Variants in TNRC6B observed in about 807,000 individuals in gnomAD.
TNRC6B encodes the protein trinucleotide repeat-containing gene 6B protein.
TNRC6B carries 52 observed loss-of-function variants against 203.6 expected under a neutral mutation model. The ratio of observed to expected loss-of-function variants is 0.26; its 90% confidence interval spans 0.20 to 0.32. TNRC6B has a LOEUF of 0.32. Among genes scored for constraint, TNRC6B ranks in the 10% least tolerant of loss-of-function variants. The probability of loss-of-function intolerance (pLI) is 1.00; values close to 1 mark genes in which losing one functional copy is unlikely to be tolerated. For synonymous variants in TNRC6B, 838 were observed against 845.7 expected (o/e 0.99, Z 0.16); for missense variants, 1,923 against 2,286.2 (o/e 0.84, Z 3.24).
chr22:40,285,345 A>C (rs992486458), intron 11 of TNRC6B, among the ~76,000 whole-genome samples: 1 of 152,260 alleles, frequency 6.6e-6, no homozygotes, highest in Admixed American at 6.5e-5. Flanking sequence ...GAGTACTTGA[A>C]ATAAATGTTA....
intron 3 of TNRC6B, among the ~76,000 whole-genome samples, chr22:40,149,798 A>AG (rs2068731989): frequency 6.6e-6 from 1 of 150,728 alleles, no homozygotes; most frequent in Non-Finnish European, 1.5e-5. Flanking sequence ...AAAACTAAAA[A>AG]TTGTACTTTT....
chr22:40,233,685 A>G (rs147344099), intron 1 of TNRC6B, among the ~76,000 whole-genome samples: 40 of 152,328 alleles, frequency 2.6e-4, no homozygotes, highest in African/African-American at 9.6e-4. Flanking sequence ...AATTCCTTGC[A>G]TATGCCTTAA....
chr22:40,283,661 C>T (rs1018824200), intron 11 of TNRC6B, among the ~76,000 whole-genome samples: 1 of 152,084 alleles, frequency 6.6e-6, no homozygotes, highest in African/African-American at 2.4e-5. Context: ...TATTATTGTC[C>T]ATTCCAGATA....
At position 40,178,214 on chromosome 22, in the gene TNRC6B, G is replaced by A. The variant is rs888920983; in HGVS notation, c.5+74G>A. On this transcript the variant is annotated intron_variant, in intron 1 of 22. Transcript: ENST00000454349. ...TTGTCTAACCGTTTTCACTGGTGGT[G>A]TTGCAAATCGACATTTGTCTAGCAT... 24 of 1,549,344 alleles carry A rather than the reference G, an allele frequency of 1.5e-5. 1 individual carries two copies. The highest frequency in any genetic ancestry group is 2.0e-5 in the Non-Finnish European group (22 of 1,125,552).
At position 40,089,686 on chromosome 22, in the gene TNRC6B, T is replaced by G. The variant is rs111301547; in HGVS notation, c.-120-27369T>G. Among the ~76,000 whole-genome samples the G allele has an allele frequency of 3.5e-3, 538 of 152,324 alleles. 3 individuals are homozygous for G. Among genetic ancestry groups the G allele is most frequent in the Middle Eastern group, 0.017 (5 of 294 alleles). ...GGTCTATTTGTTATAAATGATGAAC[T>G]TATGTTGGTACACCATTATTACTCA... On this transcript the variant is annotated intron_variant, in intron 1 of 23. Coordinates refer to the TNRC6B transcript ENST00000301923.
At chr22:40,173,962 C>T (rs1279111806), upstream of TNRC6B, among the ~76,000 whole-genome samples, 1 of 150,690 alleles carries the variant, frequency 6.6e-6, no homozygotes, top group African/African-American at 2.4e-5. Flanking sequence ...TACCACCATG[C>T]CCAGCTAAAT....
intron 1 of TNRC6B, among the ~76,000 whole-genome samples, chr22:40,056,723 AGGAGTT>A (rs1294201185): frequency 6.6e-6 from 1 of 150,810 alleles, no homozygotes; most frequent in African/African-American, 2.5e-5. Flanking sequence ...GCATGAGCCC[AGGAGTT>A]GGAGGCTGCG....
chr22:40,203,457 T>C (rs1417576075), intron 1 of TNRC6B, among the ~76,000 whole-genome samples: 3 of 152,066 alleles, frequency 2.0e-5, no homozygotes, highest in African/African-American at 7.2e-5. Context: ...AATGCAAAAA[T>C]GTACAAATTT....
chr22:40,265,805 G>C lies in TNRC6B; in HGVS notation c.1575G>C (p.Trp525Cys). 1 of 1,613,978 alleles carries C rather than the reference G, an allele frequency of 6.2e-7. No homozygotes were observed. Among genetic ancestry groups the C allele is most frequent in the East Asian group, 2.2e-5 (1 of 44,880 alleles). The change falls in exon 5 of 23, where the codon TGG (tryptophan) becomes TGC (cysteine). Residue 525 changes from tryptophan to cysteine, a missense_variant. Physicochemically the swap from Trp to Cys is radical, Grantham distance 215. Around this residue, in one of 8 missense-constraint regions of TNRC6B, gnomAD observed 614 missense variants for 587.7 expected, o/e 1.04. Coordinates refer to ENST00000454349, the MANE Select transcript of TNRC6B (RefSeq NM_001162501.2). Reference sequence around the variant, plus strand: ...CTGATGAGTTGAAAATTGGAGAATGGAGTGGTCCAAACCAACCAAATTCTA... The same window carrying C: ...CTGATGAGTTGAAAATTGGAGAATGCAGTGGTCCAAACCAACCAAATTCTA... ...TGSDELKIGEWSGPNQPNSST... is the reference protein window; with the variant it reads ...TGSDELKIGECSGPNQPNSST...
At chr22:40,132,227 A>C (rs1568992577) in intron 3 of TNRC6B, among the ~76,000 whole-genome samples, 1 of 152,140 alleles carries the variant, frequency 6.6e-6, no homozygotes, top group South Asian at 2.1e-4. Context: ...GTGCACCTGT[A>C]ATCCCAGCTG....
rs1452445002 is a variant in TNRC6B, at chr22:40,246,112, A to G, written c.93+10A>G. 5 of 1,542,510 alleles carry G rather than the reference A, an allele frequency of 3.2e-6. No individual in the cohort carries two copies. The highest frequency in any genetic ancestry group is 3.5e-6 in the Non-Finnish European group (4 of 1,142,608). ...AGAAGCCACTCAGAAGGTAGGTTTAATCAGTTAAGTCTGTCTTTTTATCTG... is the reference window on the plus strand; with the variant it reads ...AGAAGCCACTCAGAAGGTAGGTTTAGTCAGTTAAGTCTGTCTTTTTATCTG... On this transcript the variant is annotated intron_variant, in intron 2 of 22. Coordinates refer to ENST00000454349, the MANE Select transcript of TNRC6B (RefSeq NM_001162501.2).
Position 40,264,947 on chromosome 22 carries a change from A to C in TNRC6B, c.717A>C (p.Lys239Asn). ...TGCCAGGAAGCACCACTAGTAACAA[A>C]GGAAAAGGGAGCCAGTGCCAGTCTG... ...STLPGSTTSN[K>N]GKGSQCQSAS... The change falls in exon 5 of 23, where the codon AAA becomes AAC. Residue 239 changes from lysine to asparagine, a missense_variant. Transcript: ENST00000454349. 6.2e-7 allele frequency: 1 copy of C among 1,613,964 alleles called. No homozygotes were observed. Among genetic ancestry groups the C allele is most frequent in the Non-Finnish European group, 8.5e-7 (1 of 1,179,874 alleles).
At chr22:40,171,971 G>T (rs188792955) in intron 4 of TNRC6B, among the ~76,000 whole-genome samples, 55 of 151,900 alleles carry the variant, frequency 3.6e-4, no homozygotes, top group Admixed American at 2.2e-3. Flanking sequence ...GGTGATTCTC[G>T]CACCTCAGCC....
intron 14 of TNRC6B, 58 bp from the exon 15 acceptor site, chr22:40,301,092 C>G (rs1234491740): frequency 6.4e-7 from 1 of 1,559,154 alleles, no homozygotes; most frequent in Non-Finnish European, 8.7e-7. Flanking sequence ...CGGGCACAGT[C>G]TTTTCCTGGG....
chr22:40,234,695 T>C (rs2069924440), intron 1 of TNRC6B, among the ~76,000 whole-genome samples: 1 of 152,234 alleles, frequency 6.6e-6, no homozygotes, highest in South Asian at 2.1e-4. Context: ...AATTTCTTTA[T>C]CCCTTAAAAT....
intron 1 of TNRC6B, among the ~76,000 whole-genome samples, chr22:40,091,755 C>T (rs999242957): frequency 4.6e-5 from 7 of 151,992 alleles, no homozygotes; most frequent in African/African-American, 1.7e-4. Context: ...TTTAAGCTGA[C>T]GATGGGAACT....
At chr22:40,246,150 C>A in intron 2 of TNRC6B, 48 bp downstream of exon 2, 1 of 1,390,630 alleles carries the variant, frequency 7.2e-7, no homozygotes, top group Non-Finnish European at 9.8e-7. Flanking sequence ...AGGCATCCAG[C>A]ATCCAGAACA....
intron 1 of TNRC6B, among the ~76,000 whole-genome samples, chr22:40,242,815 CATAG>C (rs1014985669): frequency 7.9e-5 from 12 of 152,098 alleles, no homozygotes; most frequent in Admixed American, 6.5e-4. Context: ...GCCTTCTCCA[CATAG>C]ATGTCCATTG....
intron 1 of TNRC6B, among the ~76,000 whole-genome samples, chr22:40,231,381 G>A (rs967141571): frequency 2.0e-5 from 3 of 152,090 alleles, no homozygotes; most frequent in Non-Finnish European, 4.4e-5. Context: ...TCATGAGCAT[G>A]GTACATCTCT....
Sources: allele counts gnomAD v4.1 joint callset (sites outside exome capture counted in the v4.1 genomes callset), GRCh38; gene constraint gnomAD v4.1.1; regional missense constraint gnomAD v4.1.1; transcripts MANE v1.5; gene names NCBI Gene and HGNC (gene_info 2026-07-23, HGNC 2026-07-21).